ARSL: variants seen among roughly 807,000 people sequenced by gnomAD.
ARSL encodes arylsulfatase L, also known as arylsulfatase E (chondrodysplasia punctata 1).
In ARSL, 4 loss-of-function variants were observed where a neutral mutation model predicts 31.1. The observed-to-expected ratio is 0.13, with a 90% CI of 0.06 to 0.29. The LOEUF is 0.29. ARSL is among the 10% of genes least tolerant of loss of function. The pLI, the probability that ARSL is intolerant of heterozygous loss-of-function variation, is 1.00. For synonymous variants in ARSL, 198 were observed against 209.9 expected (o/e 0.94, Z 0.49); for missense variants, 312 against 497.8 (o/e 0.63, Z 3.55).
At chrX:2,959,648 G>T in intron 2 of ARSL, 1 of 1,153,866 alleles carries the variant, frequency 8.7e-7, no homozygotes, top group Non-Finnish European at 1.1e-6. Flanking sequence ...GGCTGCCTGG[G>T]GCAACATCAA....
chrX:2,940,405 C>A (rs930960998), intron 8 of ARSL, among the ~76,000 whole-genome samples: 2 of 111,482 alleles, frequency 1.8e-5, no homozygotes, highest in East Asian at 5.7e-4. Context: ...TGGTGGCTCA[C>A]GCCTGGAATC....
chrX:2,960,141 C>T lies in ARSL; in HGVS notation c.23+237G>A, dbSNP rs369386046. On this transcript the variant is annotated intron_variant, in intron 2 of 10. Coordinates refer to ENST00000381134, the MANE Select transcript of ARSL (RefSeq NM_000047.3). The stretch of plus-strand genomic sequence containing the variant: ...AAAATTAGCCGGGCGTGGTGGCAGG[C>T]GCCTGTAGTCCCAGCTACTCGGGAG... Among the ~76,000 whole-genome samples, 2,949 of 85,900 alleles carry T rather than the reference C, an allele frequency of 0.034. 166 individuals are homozygous for T. The highest frequency in any genetic ancestry group is 0.054 in the Non-Finnish European group (2,224 of 41,478). 74.6% of individuals were successfully genotyped at this position (85,900 alleles called of 115,157 possible). A position where few individuals can be genotyped will look rare whatever the true frequency, so the allele number is the denominator to read the frequency against.
At position 2,936,488 on chromosome X, in the gene ARSL, G is replaced by A. The variant is rs1387053283; in HGVS notation, c.1411+254C>T. ...TGAAATATAGCCCATACATGGTGCT[G>A]AAACTATAGGTAACGACTCCCCATC... On this transcript the variant is annotated intron_variant, in intron 10 of 10. Transcript: ENST00000381134. Among the ~76,000 whole-genome samples the A allele has an allele frequency of 3.6e-5, 4 of 111,500 alleles. No homozygotes were observed. In the Admixed American group the frequency reaches 3.8e-4, roughly 11 times the overall value.
At chrX:2,967,916 A>G (rs963185159), upstream of ARSL, among the ~76,000 whole-genome samples, 3 of 111,301 alleles carry the variant, frequency 2.7e-5, no homozygotes, top group Admixed American at 1.9e-4. Context: ...CATTTGGTGC[A>G]TCTTCCCTCG....
Position 2,949,422 on chromosome X carries a change from C to T in ARSL, c.736G>A (p.Ala246Thr). 1 of 1,211,383 alleles carries T rather than the reference C, an allele frequency of 8.3e-7. No individual in the cohort carries two copies. The highest frequency in any genetic ancestry group is 1.1e-6 in the Non-Finnish European group (1 of 895,505). The change falls in exon 6 of 11, where the codon GCT becomes ACT. Residue 246 changes from alanine to threonine, a missense_variant. Transcript: ENST00000381134. Reference sequence around the variant, plus strand: ...AAGCAATCGGCATGGACAATCAGAGCACCCACAAAATAGGAGCTTGCGAGG... The same window carrying T: ...AAGCAATCGGCATGGACAATCAGAGTACCCACAAAATAGGAGCTTGCGAGG... ...LLLASSYFVGALIVHADCFLM... is the reference protein window; with the variant it reads ...LLLASSYFVGTLIVHADCFLM...
At chrX:2,938,542 A>C (rs1480044273) in intron 8 of ARSL, among the ~76,000 whole-genome samples, 2 of 112,060 alleles carry the variant, frequency 1.8e-5, no homozygotes, top group African/African-American at 6.5e-5. Flanking sequence ...TTCTTAGAAG[A>C]CACAGACACA....
At chrX:2,944,347 C>A (rs11797823) in intron 7 of ARSL, among the ~76,000 whole-genome samples, 2 of 105,951 alleles carry the variant, frequency 1.9e-5, no homozygotes, top group South Asian at 4.4e-4. Flanking sequence ...CCAGCTACTC[C>A]GGAGGCTGAG....
rs773059852 is a variant in ARSL, at chrX:2,935,682, CTTTTCTTTTCTT to C, written c.1412-504_1412-493del. Among the ~76,000 whole-genome samples, 10 of 96,665 alleles carry C rather than the reference CTTTTCTTTTCTT, an allele frequency of 1.0e-4. No homozygotes were observed. In the South Asian group the frequency reaches 1.6e-3, roughly 16 times the overall value. 83.9% of individuals were successfully genotyped at this position (96,665 alleles called of 115,157 possible). On this transcript the variant is annotated intron_variant, in intron 10 of 10. Transcript: ENST00000381134. ...CTCAGTCAGTTTTTTCTTTTCTTTT[CTTTTCTTTTCTT>C]TTTTTTTTTTTTTATTTGAGACAGA...
At position 2,934,770 on chromosome X, in the gene ARSL, G is replaced by A; in HGVS notation, c.*62C>T. On this transcript the variant is annotated 3_prime_UTR_variant, in exon 11 of 11. Transcript: ENST00000381134. ...GGATGACAACCACCATGGCCAGCTG[G>A]TTTGTTTCAATTTGAGTGACAAAAT... is the stretch of plus-strand genomic sequence containing the variant. 9.2e-7 allele frequency: 1 copy of A among 1,086,400 alleles called. No individual in the cohort carries two copies. The highest frequency in any genetic ancestry group is 1.3e-6 in the Non-Finnish European group (1 of 794,325). The allele number at this position is 1,086,400 out of a possible 1,213,427, so 89.5% of individuals were successfully genotyped here.
chrX:2,944,865 A>G (rs760185872), intron 7 of ARSL, among the ~76,000 whole-genome samples: 4 of 110,853 alleles, frequency 3.6e-5, no homozygotes, highest in African/African-American at 9.9e-5. Flanking sequence ...TACCTAACAC[A>G]TGGTCACGAA....
At chrX:2,950,594 A>G (rs2089447991) in intron 5 of ARSL, among the ~76,000 whole-genome samples, 1 of 111,298 alleles carries the variant, frequency 9.0e-6, no homozygotes, top group Non-Finnish European at 1.9e-5. Flanking sequence ...GGTTTTATAA[A>G]TGGGAGTTCC....
chrX:2,968,036 T>C, upstream of ARSL: 1 of 898,772 alleles, frequency 1.1e-6, no homozygotes. Flanking sequence ...TTTTAAAACA[T>C]TGACAGGGAC....
At chrX:2,946,887 T>TA (rs1453087017) in intron 6 of ARSL, among the ~76,000 whole-genome samples, 2 of 111,135 alleles carry the variant, frequency 1.8e-5, no homozygotes, top group Non-Finnish European at 3.8e-5. Flanking sequence ...GAAATCTATT[T>TA]AAAAATCCAC....
chrX:2,938,040 A>G (rs762658659), intron 9 of ARSL, 55 bp downstream of exon 9: 247 of 1,203,771 alleles, frequency 2.1e-4, no homozygotes, highest in Non-Finnish European at 2.4e-4. Flanking sequence ...TTCATTTGCC[A>G]TAAGTGTTGC....
intron 7 of ARSL, 103 bp downstream of exon 7, chrX:2,945,895 C>A: frequency 5.5e-6 from 6 of 1,082,337 alleles, no homozygotes; most frequent in Non-Finnish European, 7.7e-6. Context: ...GCACTGCAAT[C>A]GCTATTCTGC....
At chrX:2,967,682 A>G (rs12393627), upstream of ARSL, among the ~76,000 whole-genome samples, 11,909 of 112,438 alleles carry the variant, frequency 0.11, 1,534 homozygotes, top group African/African-American at 0.36. Context: ...ACACCCATGC[A>G]AGACTGACAA....
intron 10 of ARSL, among the ~76,000 whole-genome samples, chrX:2,936,440 C>T (rs771486249): frequency 4.6e-4 from 51 of 111,660 alleles, no homozygotes; most frequent in African/African-American, 1.6e-3. Context: ...AGTTGCACTT[C>T]ATATAGTGCA....
At chrX:2,944,322 C>T (rs1218217552) in intron 7 of ARSL, among the ~76,000 whole-genome samples, 13 of 108,541 alleles carry the variant, frequency 1.2e-4, no homozygotes, top group East Asian at 8.7e-4. Context: ...GGCATGGTGG[C>T]GGGTGCCTGT....
At position 2,960,320 on chromosome X, in the gene ARSL, G is replaced by GAGAAAGAA. The variant is rs377714899; in HGVS notation, c.23+50_23+57dup. 3,802 of 546,623 alleles carry GAGAAAGAA rather than the reference G, an allele frequency of 7.0e-3. 142 individuals carry two copies. In the African/African-American group the frequency reaches 0.088, roughly 13 times the overall value. The allele number at this position is 546,623 out of a possible 1,213,427, so 45.0% of individuals were successfully genotyped here. Reference sequence around the variant, plus strand: ...GAAGAGAAAGAAGGGAAGGAAGGAAGAGAAAGAAAGAAAGAAAGAAAGGAG... The same window carrying GAGAAAGAA: ...GAAGAGAAAGAAGGGAAGGAAGGAAGAGAAAGAAAGAAAGAAAGAAAGAAAGAAAGGAG... On this transcript the variant is annotated intron_variant, in intron 2 of 10. Coordinates refer to ENST00000381134, the MANE Select transcript of ARSL (RefSeq NM_000047.3).
Sources: allele counts gnomAD v4.1 joint callset (sites outside exome capture counted in the v4.1 genomes callset), GRCh38; gene constraint gnomAD v4.1.1; transcripts MANE v1.5; gene names NCBI Gene and HGNC (gene_info 2026-07-23, HGNC 2026-07-21).